The following PTPRN2 variants were observed in gnomAD, a reference collection of about 807,000 sequenced individuals.
PTPRN2 encodes protein tyrosine phosphatase receptor type N2, also known as receptor-type tyrosine-protein phosphatase N2.
PTPRN2 carries 74 observed loss-of-function variants against 118.8 expected under a neutral mutation model. That is an observed-to-expected ratio of 0.62 (90% CI 0.52 to 0.76). The LOEUF is 0.76. Ranked by LOEUF, PTPRN2 falls within the 30% of genes least tolerant of loss-of-function variation. PTPRN2 has a pLI of 0.00. For missense variants in PTPRN2, 1,481 were observed against 1,394.4 expected (o/e 1.06, Z -0.99); for synonymous variants, 641 against 608.0 (o/e 1.05, Z -0.80).
chr7:157,831,520 C>A lies in PTPRN2; in HGVS notation c.1788+67153G>T, dbSNP rs1807569498. Reference sequence around the variant, plus strand: ...CTCCCCATCCCTGTCCACGGCCCCTCTCACCCTGCAGTACTGAGCAGGGTG... The same window carrying A: ...CTCCCCATCCCTGTCCACGGCCCCTATCACCCTGCAGTACTGAGCAGGGTG... On this transcript the variant is annotated intron_variant, in intron 12 of 22. Transcript: ENST00000389418. This position sits in a 1 kb window ranked among gnomAD's most constrained non-coding sequence, Gnocchi z 4.8. 6.6e-6 allele frequency among the ~76,000 whole-genome samples: 1 copy of A among 152,166 alleles called. No individual in the cohort carries two copies. The highest frequency in any genetic ancestry group is 1.5e-5 in the Non-Finnish European group (1 of 68,026).
intron 12 of PTPRN2, among the ~76,000 whole-genome samples, chr7:157,839,756 G>T (rs1379441966): frequency 2.0e-5 from 3 of 151,034 alleles, no homozygotes; most frequent in Non-Finnish European, 4.4e-5. Flanking sequence ...AGTGTGTGTG[G>T]CTGTGTGCGT....
At chr7:158,459,803 G>T (rs2464331) in intron 2 of PTPRN2, among the ~76,000 whole-genome samples, 43,070 of 84,516 alleles carry the variant, frequency 0.51, 13,258 homozygotes, top group African/African-American at 0.53. Flanking sequence ...TCCTAGAGGG[G>T]CTGTGTACCG....
intron 6 of PTPRN2, among the ~76,000 whole-genome samples, chr7:158,154,839 T>C (rs997308347): frequency 6.6e-6 from 1 of 152,236 alleles, no homozygotes; most frequent in Non-Finnish European, 1.5e-5. Context: ...TCCCCTCCCA[T>C]GTAACCTCTA....
At chr7:158,174,552 AC>A (rs1824015859) in intron 5 of PTPRN2, among the ~76,000 whole-genome samples, 1 of 151,970 alleles carries the variant, frequency 6.6e-6, no homozygotes, top group South Asian at 2.1e-4. Context: ...CATCAGTGTC[AC>A]CCCCGCCATC....
chr7:157,697,476 A>G (rs1470850488), intron 12 of PTPRN2, among the ~76,000 whole-genome samples: 18 of 115,612 alleles, frequency 1.6e-4, no homozygotes, highest in African/African-American at 5.4e-4. Flanking sequence ...AGCCCTCACC[A>G]TCTACTCATG....
At chr7:158,201,207 A>G (rs1349456767) in intron 4 of PTPRN2, among the ~76,000 whole-genome samples, 2 of 152,062 alleles carry the variant, frequency 1.3e-5, no homozygotes, top group Non-Finnish European at 2.9e-5. Flanking sequence ...CTGGCTAAAG[A>G]AAACGTACGT....
chr7:158,536,701 GC>G (rs777959325), intron 1 of PTPRN2, among the ~76,000 whole-genome samples: 17 of 151,404 alleles, frequency 1.1e-4, no homozygotes, highest in Non-Finnish European at 2.4e-4. Context: ...GGCCTTCCCA[GC>G]CCACCATTGA....
chr7:157,778,015 G>A (rs543456185), intron 12 of PTPRN2, among the ~76,000 whole-genome samples: 4 of 147,708 alleles, frequency 2.7e-5, no homozygotes, highest in East Asian at 3.9e-4. Flanking sequence ...CAAACCAAAC[G>A]AGAGCAAAAA....
rs1472569525 is a variant in PTPRN2, at chr7:157,903,423, C to CA, written c.1724-4687dup. ...AGTGTACCCCAAACCTCAGCACCAC[C>CA]AGTATACCCAGGTCACAAGCCTGCA... On this transcript the variant is annotated intron_variant, in intron 11 of 22. Transcript: ENST00000389418. The surrounding 1 kb of genome is among the most constrained non-coding windows in gnomAD (Gnocchi z 4.2). Among the ~76,000 whole-genome samples, 1 of 152,086 alleles carries CA rather than the reference C, an allele frequency of 6.6e-6. No individual in the cohort carries two copies. Among genetic ancestry groups the CA allele is most frequent in the Non-Finnish European group, 1.5e-5 (1 of 68,022 alleles).
rs1343772316 is a variant in PTPRN2, at chr7:158,133,822, C to T, written c.1411G>A (p.Gly471Arg). The T allele has an allele frequency of 1.1e-5, 18 of 1,613,980 alleles. No homozygotes were observed. The highest frequency in any genetic ancestry group is 1.2e-5 in the Non-Finnish European group (14 of 1,180,018). Residue 471 changes from glycine to arginine, a missense_variant, in exon 9 of 23, where the codon GGG (glycine) becomes AGG (arginine). Physicochemically the swap from Gly to Arg is moderately radical, Grantham distance 125 (BLOSUM62 -2). Around this residue, in one of 3 missense-constraint regions of PTPRN2, gnomAD observed 1,115 missense variants for 994.2 expected, o/e 1.12. Transcript: ENST00000389418. The part of the protein sequence containing the change: ...PHSEPGAAAF[G>R]ELQNQMPGPS... The stretch of plus-strand genomic sequence containing the variant: ...CCAGGCATCTGGTTTTGGAGCTCCC[C>T]AAACGCAGCGGCCCCGGGCTCCGAA...
intron 1 of PTPRN2, among the ~76,000 whole-genome samples, chr7:158,508,558 C>A (rs1054262383): frequency 2.0e-5 from 3 of 151,336 alleles, no homozygotes; most frequent in Non-Finnish European, 2.9e-5. Flanking sequence ...CTGTGGGGAG[C>A]TGGAGAGGAG....
chr7:158,016,675 CT>C (rs1324671323), intron 11 of PTPRN2, among the ~76,000 whole-genome samples: 10 of 152,218 alleles, frequency 6.6e-5, no homozygotes, highest in Admixed American at 5.9e-4. Flanking sequence ...CTGCGGCGTC[CT>C]TTGAAATTCC....
chr7:158,239,029 C>T (rs1273762816), intron 3 of PTPRN2, among the ~76,000 whole-genome samples: 1 of 152,244 alleles, frequency 6.6e-6, no homozygotes, highest in African/African-American at 2.4e-5. Flanking sequence ...TGGAGGGGAG[C>T]GGAAAGCCAG....
intron 1 of PTPRN2, among the ~76,000 whole-genome samples, chr7:158,528,385 T>A (rs1824952081): frequency 6.6e-6 from 1 of 152,100 alleles, no homozygotes. Flanking sequence ...CGGTCAGCCG[T>A]CTCTTGCCCT....
At chr7:158,552,648 TG>T (rs1826739007) in intron 1 of PTPRN2, among the ~76,000 whole-genome samples, 1 of 152,200 alleles carries the variant, frequency 6.6e-6, no homozygotes, top group Admixed American at 6.5e-5. Flanking sequence ...GGTTTCACCA[TG>T]TTGGCCAGGC....
rs141625384 is a variant in PTPRN2 at position 158,174,071 on chromosome 7, A to G, written c.550-6780T>C. ...AGATTAAAGACAGGCATAGGAAATTATAAGAGTATTGAGTGGGGAAATGAT... is the reference window on the plus strand; with the variant it reads ...AGATTAAAGACAGGCATAGGAAATTGTAAGAGTATTGAGTGGGGAAATGAT... On this transcript the variant is annotated intron_variant, in intron 5 of 22. Transcript: ENST00000389418. Among the ~76,000 whole-genome samples the G allele has an allele frequency of 6.2e-3, 948 of 152,362 alleles. 11 individuals are homozygous for G. The highest frequency in any genetic ancestry group is 0.022 in the African/African-American group (911 of 41,580).
At chr7:158,124,356 A>G (rs1234384686) in intron 9 of PTPRN2, among the ~76,000 whole-genome samples, 1 of 152,230 alleles carries the variant, frequency 6.6e-6, no homozygotes, top group Non-Finnish European at 1.5e-5. Context: ...TCTGCATGAT[A>G]TGCAGGCCCC....
intron 22 of PTPRN2, among the ~76,000 whole-genome samples, chr7:157,543,606 T>C (rs573384492): frequency 1.3e-5 from 2 of 152,244 alleles, no homozygotes; most frequent in Non-Finnish European, 2.9e-5. Flanking sequence ...TGGAGGCTGC[T>C]TGGATTTCTA....
rs1585225956 is a variant in PTPRN2, at chr7:157,679,689, C to G, written c.2001+3036G>C. The stretch of plus-strand genomic sequence containing the variant: ...CCCCCTGTGGTCCCAAGCCCAGGCT[C>G]TGACTCACACACACAGGGGTCGGGG... On this transcript the variant is annotated intron_variant, in intron 13 of 22. Transcript: ENST00000389418. Among the ~76,000 whole-genome samples, 3 of 152,150 alleles carry G rather than the reference C, an allele frequency of 2.0e-5. No homozygotes were observed. In the Middle Eastern group the frequency reaches 0.01, roughly 518 times the overall value.
Sources: allele counts gnomAD v4.1 joint callset (sites outside exome capture counted in the v4.1 genomes callset), GRCh38; gene constraint gnomAD v4.1.1; regional missense constraint gnomAD v4.1.1; non-coding constraint Gnocchi (gnomAD v3.1); transcripts MANE v1.5; gene names NCBI Gene and HGNC (gene_info 2026-07-23, HGNC 2026-07-21).